The following CFAP52 variants were observed in gnomAD, a reference collection of about 807,000 sequenced individuals.
CFAP52 encodes cilia and flagella associated protein 52.
Under a neutral mutation model 70.5 loss-of-function variants are expected in CFAP52, and 57 were observed. The ratio of observed to expected loss-of-function variants is 0.81; its 90% confidence interval spans 0.65 to 1.01. CFAP52 has a LOEUF of 1.01. CFAP52 is among the 50% of genes least tolerant of loss of function. CFAP52 has a pLI of 0.00. For missense variants in CFAP52, 785 were observed against 788.5 expected (o/e 1.00, Z 0.05); for synonymous variants, 267 against 292.5 (o/e 0.91, Z 0.89).
At chr17:9,586,639 T>C in intron 2 of CFAP52, 59 bp from the exon 3 acceptor site, 2 of 1,505,678 alleles carry the variant, frequency 1.3e-6, no homozygotes, top group Admixed American at 2.4e-5. Flanking sequence ...GAAGGGTAGC[T>C]ATCTCCTCAG....
chr17:9,637,090 A>G (rs1389159827), intron 11 of CFAP52, among the ~76,000 whole-genome samples: 2 of 152,154 alleles, frequency 1.3e-5, no homozygotes, highest in Non-Finnish European at 2.9e-5. Context: ...AACCCGACAA[A>G]GCAAGCTTTT....
At chr17:9,611,003 C>T (rs1397480245) in intron 7 of CFAP52, among the ~76,000 whole-genome samples, 1 of 152,200 alleles carries the variant, frequency 6.6e-6, no homozygotes, top group Non-Finnish European at 1.5e-5. Context: ...GTTGAGTAAA[C>T]TGAGGCCAGA....
chr17:9,628,584 A>G (rs1910326799), intron 8 of CFAP52, 88 bp from the exon 9 acceptor site: 3 of 1,523,284 alleles, frequency 2.0e-6, no homozygotes, highest in Non-Finnish European at 2.7e-6. Flanking sequence ...GCCTTTTCCT[A>G]TATTTTTGTG....
At chr17:9,628,568 C>T (rs186226984) in intron 8 of CFAP52, 104 bp from the exon 9 acceptor site, 80 of 1,462,546 alleles carry the variant, frequency 5.5e-5, no homozygotes, top group Non-Finnish European at 6.5e-5. Flanking sequence ...TGAGCCACCG[C>T]GCCCAGCCTT....
At chr17:9,636,028 G>A (rs1430222094) in intron 11 of CFAP52, among the ~76,000 whole-genome samples, 1 of 151,938 alleles carries the variant, frequency 6.6e-6, no homozygotes, top group Non-Finnish European at 1.5e-5. Context: ...AAAAAAGTTA[G>A]CTGGGCGTGG....
chr17:9,586,606 C>G lies in CFAP52; in HGVS notation c.271-92C>G, dbSNP rs1368079736. On this transcript the variant is annotated intron_variant, in intron 2 of 13. Transcript: ENST00000352665. ...AAAAAGAAAGAAAAAAGAAAAGTGA[C>G]AGTACTAATTGTTTTTCACCAAGAA... is the stretch of plus-strand genomic sequence containing the variant. 21 of 1,343,692 alleles carry G rather than the reference C, an allele frequency of 1.6e-5. No individual in the cohort carries two copies. In the South Asian group the frequency reaches 3.3e-4, roughly 21 times the overall value. The allele number at this position is 1,343,692 out of a possible 1,614,324, so 83.2% of individuals were successfully genotyped here. A position where few individuals can be genotyped will look rare whatever the true frequency, so the allele number is the denominator to read the frequency against.
At chr17:9,621,501 T>G (rs1910029006) in intron 8 of CFAP52, among the ~76,000 whole-genome samples, 1 of 36,202 alleles carries the variant, frequency 2.8e-5, no homozygotes, top group Non-Finnish European at 5.0e-5. Flanking sequence ...ATCCCATTAC[T>G]GGGTATATAC....
At chr17:9,604,862 G>C (rs558146708) in intron 6 of CFAP52, among the ~76,000 whole-genome samples, 1 of 152,036 alleles carries the variant, frequency 6.6e-6, no homozygotes, top group African/African-American at 2.4e-5. Flanking sequence ...TCTTATATCA[G>C]CCGGGAAATG....
At chr17:9,599,928 A>G (rs1909188600) in intron 5 of CFAP52, 139 bp from the exon 6 acceptor site, 1 of 635,106 alleles carries the variant, frequency 1.6e-6, no homozygotes, top group South Asian at 1.8e-5. Flanking sequence ...TTCAGTAGAG[A>G]CAGGGTTTCT....
chr17:9,624,683 C>G (rs1056834487), intron 8 of CFAP52, among the ~76,000 whole-genome samples: 1 of 152,086 alleles, frequency 6.6e-6, no homozygotes, highest in Non-Finnish European at 1.5e-5. Context: ...GAATCAGTTG[C>G]TTCTGACTCT....
At chr17:9,593,617 A>G (rs1021451088) in intron 3 of CFAP52, among the ~76,000 whole-genome samples, 25 of 151,800 alleles carry the variant, frequency 1.6e-4, no homozygotes, top group Admixed American at 3.3e-4. Context: ...CACCACATCC[A>G]GCTAATTTTT....
At chr17:9,579,580 G>C (rs932333371) in intron 1 of CFAP52, among the ~76,000 whole-genome samples, 1 of 152,094 alleles carries the variant, frequency 6.6e-6, no homozygotes, top group Non-Finnish European at 1.5e-5. Context: ...CTTGAATTTT[G>C]TTTTTGAGAT....
intron 4 of CFAP52, among the ~76,000 whole-genome samples, chr17:9,595,657 A>G (rs117638439): frequency 4.6e-5 from 7 of 152,248 alleles, no homozygotes; most frequent in Non-Finnish European, 1.0e-4. Context: ...TATTAAAAAA[A>G]AAGTTTTTTT....
chr17:9,629,501 TTTTC>T (rs991874621), intron 9 of CFAP52, among the ~76,000 whole-genome samples: 12 of 139,522 alleles, frequency 8.6e-5, no homozygotes, highest in East Asian at 7.9e-4. Context: ...CTTTCTTTTC[TTTTC>T]TTTCTTTCTT....
chr17:9,603,879 A>G (rs1022790342), intron 6 of CFAP52, among the ~76,000 whole-genome samples: 1 of 152,218 alleles, frequency 6.6e-6, no homozygotes, highest in African/African-American at 2.4e-5. Context: ...ACACAGTTGG[A>G]GGAGTGACAC....
At chr17:9,600,533 A>G (rs1909220282) in intron 6 of CFAP52, among the ~76,000 whole-genome samples, 1 of 152,100 alleles carries the variant, frequency 6.6e-6, no homozygotes, top group South Asian at 2.1e-4. Flanking sequence ...GTGAGCCACC[A>G]TGCCCGGACA....
intron 3 of CFAP52, among the ~76,000 whole-genome samples, chr17:9,592,997 G>C (rs73975739): frequency 6.0e-4 from 91 of 152,230 alleles, no homozygotes; most frequent in Middle Eastern, 6.8e-3. Flanking sequence ...CTGTGGAAAA[G>C]GGAGAATTTA....
rs2151954848 is a variant in CFAP52, at chr17:9,641,828, T to C, written c.1680T>C (p.Phe560=). The C allele has an allele frequency of 6.2e-7, 1 of 1,613,554 alleles. No homozygotes were observed. The highest frequency in any genetic ancestry group is 2.2e-5 in the East Asian group (1 of 44,848). Residue 560 remains phenylalanine, a synonymous_variant, in exon 13 of 14, where the codon TTT becomes TTC. Coordinates refer to ENST00000352665, the MANE Select transcript of CFAP52 (RefSeq NM_145054.5). ...ATATCACACAGGAAGGGGTGCACTT[T>C]GTCACAGGTTAGTCCTGGGATAGGA... ...GMDITQEGVH[F]VTGGNDHLVK...
chr17:9,612,514 T>C (rs1205211299), intron 8 of CFAP52, 35 bp downstream of exon 8: 1 of 1,600,272 alleles, frequency 6.2e-7, no homozygotes, highest in African/African-American at 1.3e-5. Context: ...TGTGGAGATT[T>C]GATGCAGTGT....
Sources: gnomAD v4.1 joint callset for allele counts (sites outside exome capture counted in the v4.1 genomes callset) on GRCh38, gnomAD v4.1.1 for gene constraint, MANE v1.5 for transcripts, NCBI Gene and HGNC (gene_info 2026-07-23, HGNC 2026-07-21) for gene names.